SMIM35: variants seen among roughly 807,000 people sequenced by gnomAD.
The protein encoded by SMIM35 is TMPRSS4 antisense RNA 1 (non-protein coding).
intron 1 of SMIM35, 144 bp from the exon 2 acceptor site, chr11:118,015,953 C>T: frequency 2.5e-6 from 1 of 397,610 alleles, no homozygotes; most frequent in Non-Finnish European, 4.4e-6. Flanking sequence ...TGATTCAGCC[C>T]AGCTATACTA....
intron 1 of SMIM35, among the ~76,000 whole-genome samples, chr11:118,017,972 G>A (rs1049035049): frequency 1.1e-4 from 16 of 152,184 alleles, no homozygotes; most frequent in Non-Finnish European, 2.2e-4. Flanking sequence ...CACAACACAT[G>A]GGGATTATGG....
chr11:118,085,385 A>G (rs1307716256), intron 1 of SMIM35, among the ~76,000 whole-genome samples: 1 of 151,846 alleles, frequency 6.6e-6, no homozygotes, highest in African/African-American at 2.4e-5. Context: ...CACCACGCCC[A>G]GCTAATTTTT....
At chr11:118,021,019 T>A (rs1398897300) in intron 1 of SMIM35, among the ~76,000 whole-genome samples, 1 of 150,800 alleles carries the variant, frequency 6.6e-6, no homozygotes, top group African/African-American at 2.5e-5. Flanking sequence ...TGGCAGTGCG[T>A]TTTTAGTTTC....
intron 1 of SMIM35, among the ~76,000 whole-genome samples, chr11:118,021,644 T>C (rs1475482764): frequency 6.6e-6 from 1 of 152,146 alleles, no homozygotes; most frequent in Non-Finnish European, 1.5e-5. Flanking sequence ...CTGAAGTGGC[T>C]CTGTGGATAT....
intron 4 of SMIM35, among the ~76,000 whole-genome samples, chr11:118,007,597 T>C (rs895402874): frequency 6.6e-6 from 1 of 152,196 alleles, no homozygotes; most frequent in African/African-American, 2.4e-5. Context: ...GGTTTCACCA[T>C]GTTGGCCAGG....
chr11:118,008,867 TC>T (rs1315481932), intron 4 of SMIM35, among the ~76,000 whole-genome samples: 1 of 152,234 alleles, frequency 6.6e-6, no homozygotes, highest in African/African-American at 2.4e-5. Flanking sequence ...AAGGTTAATT[TC>T]AGGGAGACTG....
chr11:118,081,885 C>T (rs1433030619), intron 1 of SMIM35, among the ~76,000 whole-genome samples: 1 of 152,202 alleles, frequency 6.6e-6, no homozygotes, highest in African/African-American at 2.4e-5. Context: ...ATAGATGGAA[C>T]AGGAGCAGGG....
At position 118,049,412 on chromosome 11, in the gene SMIM35, G is replaced by A. The variant is rs529183647; in HGVS notation, c.8-33603C>T. Among the ~76,000 whole-genome samples, 234 of 139,260 alleles carry A rather than the reference G, an allele frequency of 1.7e-3. 1 individual carries two copies. The highest frequency in any genetic ancestry group is 6.0e-3 in the African/African-American group (219 of 36,682). 91.4% of individuals were successfully genotyped at this position (139,260 alleles called of 152,430 possible). A position where few individuals can be genotyped will look rare whatever the true frequency, so the allele number is the denominator to read the frequency against. On this transcript the variant is annotated intron_variant, in intron 1 of 4. Transcript: ENST00000689828. ...CACCCAGGCTGGAGTGCAGTGGCGC[G>A]ATCTCTGCTCACTGCAACCTCCACC... is the stretch of plus-strand genomic sequence containing the variant.
intron 1 of SMIM35, among the ~76,000 whole-genome samples, chr11:118,058,928 A>T (rs1944355970): frequency 6.6e-6 from 1 of 152,232 alleles, no homozygotes; most frequent in African/African-American, 2.4e-5. Context: ...AAAAAGGGCA[A>T]GAGGGGCAAG....
chr11:118,012,981 T>A (rs971204910), intron 4 of SMIM35, among the ~76,000 whole-genome samples: 8 of 152,194 alleles, frequency 5.3e-5, no homozygotes, highest in Non-Finnish European at 1.2e-4. Flanking sequence ...CCAGGACATC[T>A]GTGACCCCTC....
intron 1 of SMIM35, among the ~76,000 whole-genome samples, chr11:118,038,734 G>C (rs1943949721): frequency 6.6e-6 from 1 of 151,698 alleles, no homozygotes; most frequent in African/African-American, 2.4e-5. Flanking sequence ...ACTACTCTGA[G>C]AGGTTAGGAA....
intron 1 of SMIM35, among the ~76,000 whole-genome samples, chr11:118,079,533 A>T (rs1944965913): frequency 1.3e-5 from 2 of 152,142 alleles, no homozygotes; most frequent in Admixed American, 1.3e-4. Context: ...GCCTGGAGGG[A>T]AGTCAGGGAC....
chr11:118,043,385 T>C (rs1011722969), intron 1 of SMIM35, among the ~76,000 whole-genome samples: 3 of 152,114 alleles, frequency 2.0e-5, no homozygotes, highest in Non-Finnish European at 4.4e-5. Flanking sequence ...AAATGAAGTA[T>C]TGATACATGC....
chr11:118,034,919 C>T lies in SMIM35; in HGVS notation c.8-19110G>A, dbSNP rs190326127. On this transcript the variant is annotated intron_variant, in intron 1 of 4. Transcript: ENST00000689828. ...CTTGCCAGTTAGTAAGTCCAAATTG[C>T]GGTTATGAATATAAGTGGTGAGGAG... 4.2e-3 allele frequency among the ~76,000 whole-genome samples: 640 copies of T among 151,572 alleles called. 5 individuals carry two copies. Among genetic ancestry groups the T allele is most frequent in the African/African-American group, 0.015 (602 of 41,344 alleles).
rs1213548745 is a variant in SMIM35, at chr11:118,018,319, C to T, written c.8-2510G>A. Among the ~76,000 whole-genome samples the T allele has an allele frequency of 4.6e-5, 7 of 152,172 alleles. No homozygotes were observed. The East Asian group carries it at 1.3e-3, about 29-fold the overall frequency. On this transcript the variant is annotated intron_variant, in intron 1 of 4. Transcript: ENST00000689828. Reference sequence around the variant, plus strand: ...ATGACCCAATGTTTTAAAAGGATGTCTCTGGCTGGCTACTGTGTTAAGAAT... The same window carrying T: ...ATGACCCAATGTTTTAAAAGGATGTTTCTGGCTGGCTACTGTGTTAAGAAT...
rs141348874 is a variant in SMIM35, at chr11:118,044,706, A to G, written c.8-28897T>C. Among the ~76,000 whole-genome samples, 580 of 148,074 alleles carry G rather than the reference A, an allele frequency of 3.9e-3. 5 individuals are homozygous for G. The highest frequency in any genetic ancestry group is 0.013 in the African/African-American group (540 of 40,162). Reference sequence around the variant, plus strand: ...GGAGAGTTGCTTGAACCCATGAGGCAGAGGTTGCAGTGAGCCGAGACTGCA... The same window carrying G: ...GGAGAGTTGCTTGAACCCATGAGGCGGAGGTTGCAGTGAGCCGAGACTGCA... On this transcript the variant is annotated intron_variant, in intron 1 of 4. Coordinates refer to ENST00000689828, the MANE Select transcript of SMIM35 (RefSeq NM_001394165.1).
intron 1 of SMIM35, among the ~76,000 whole-genome samples, chr11:118,076,257 G>T (rs924054829): frequency 6.6e-6 from 1 of 152,148 alleles, no homozygotes; most frequent in Admixed American, 6.5e-5. Context: ...GGGCAACAGA[G>T]ACTCTGTCTC....
intron 1 of SMIM35, among the ~76,000 whole-genome samples, chr11:118,017,700 C>T (rs1009556304): frequency 1.3e-5 from 2 of 151,958 alleles, no homozygotes; most frequent in African/African-American, 4.8e-5. Flanking sequence ...GTACCTGAGA[C>T]TGGGTAATTT....
chr11:118,021,440 A>C lies in SMIM35; in HGVS notation c.8-5631T>G, dbSNP rs568104691. ...GGTGTTTTTCATTTCCATAATTTTA[A>C]CTTAATTCTTTTTATAATTTCCAAT... is the stretch of plus-strand genomic sequence containing the variant. On this transcript the variant is annotated intron_variant, in intron 1 of 4. Transcript: ENST00000689828. Among the ~76,000 whole-genome samples the C allele has an allele frequency of 2.1e-3, 320 of 152,178 alleles. 2 individuals are homozygous for C. Among genetic ancestry groups the C allele is most frequent in the African/African-American group, 7.4e-3 (308 of 41,538 alleles).
Sources: gnomAD v4.1 joint callset for allele counts (sites outside exome capture counted in the v4.1 genomes callset) on GRCh38, gnomAD v4.1.1 for gene constraint, MANE v1.5 for transcripts, NCBI Gene and HGNC (gene_info 2026-07-23, HGNC 2026-07-21) for gene names.